The following MTTP variants were observed in gnomAD, a reference collection of about 807,000 sequenced individuals.
MTTP encodes microsomal triglyceride transfer protein large subunit.
A neutral mutation model predicts 90.6 loss-of-function variants in MTTP; 49 were observed. That is an observed-to-expected ratio of 0.54 (90% confidence interval 0.43 to 0.69). The LOEUF (loss-of-function observed/expected upper bound fraction) is 0.69, where lower values mean the gene tolerates loss of function less well. MTTP is among the 30% of genes least tolerant of loss of function. MTTP has a pLI of 0.00. For synonymous variants in MTTP, 347 were observed against 384.2 expected (o/e 0.90, Z 1.13); for missense variants, 945 against 1,067.5 (o/e 0.89, Z 1.60).
intron 8 of MTTP, among the ~76,000 whole-genome samples, chr4:99,599,706 T>C (rs965937495): frequency 1.3e-5 from 2 of 152,186 alleles, no homozygotes; most frequent in African/African-American, 2.4e-5. Flanking sequence ...AAATTTTTAG[T>C]ACAGTGCTTG....
intron 10 of MTTP, 22 bp from the exon 11 acceptor site, chr4:99,606,726 T>G (rs1578249955): frequency 1.3e-6 from 2 of 1,599,800 alleles, no homozygotes; most frequent in Non-Finnish European, 1.7e-6. Flanking sequence ...CATGCATATA[T>G]CTAAGGTATA....
At chr4:99,587,095 A>G (rs1725276143) in intron 3 of MTTP, among the ~76,000 whole-genome samples, 1 of 152,192 alleles carries the variant, frequency 6.6e-6, no homozygotes, top group South Asian at 2.1e-4. Flanking sequence ...GAAATAATAA[A>G]TTTAAGATTA....
chr4:99,576,564 G>T (rs957247106), intron 1 of MTTP, among the ~76,000 whole-genome samples: 1 of 150,032 alleles, frequency 6.7e-6, no homozygotes, highest in Non-Finnish European at 1.5e-5. Flanking sequence ...GCGTAGTGGC[G>T]GGCGCCTGTA....
rs17599091 is a variant in MTTP at position 99,591,762 on chromosome 4, C to G, written c.730C>G (p.Gln244Glu). 56,386 of 1,611,122 alleles carry G rather than the reference C, an allele frequency of 0.035. 1,157 individuals are homozygous for G. The highest frequency in any genetic ancestry group is 0.052 in the African/African-American group (3,919 of 74,938). The change falls in exon 6 of 18, where the codon CAA (glutamine) becomes GAA (glutamate). Residue 244 changes from glutamine (Q) to glutamate (E), a missense_variant. Transcript: ENST00000265517. ...ETHNFGLNFL[Q>E]TIKGKIVSKQ... ...ACACAATTTTGGACTGAATTTCCTA[C>G]AAACCATTAAGGGGAAAATAGTATC...
At position 99,603,665 on chromosome 4, in the gene MTTP, T is replaced by C. The variant is rs533136130; in HGVS notation, c.1344+1951T>C. Among the ~76,000 whole-genome samples the C allele has an allele frequency of 4.7e-4, 71 of 152,110 alleles. 1 individual carries two copies. The highest frequency in any genetic ancestry group is 1.7e-3 in the African/African-American group (71 of 41,524). On this transcript the variant is annotated intron_variant, in intron 10 of 17. Coordinates refer to ENST00000265517, the MANE Select transcript of MTTP (RefSeq NM_001386140.1). ...CTTAAGTAAGGTTTATACAGCCTGGTTGGGGGTGGGAGGAGAGTAGAGCTA... is the reference window on the plus strand; with the variant it reads ...CTTAAGTAAGGTTTATACAGCCTGGCTGGGGGTGGGAGGAGAGTAGAGCTA...
At chr4:99,565,777 AAGT>A (rs1297092229) in intron 1 of MTTP, among the ~76,000 whole-genome samples, 2 of 152,190 alleles carry the variant, frequency 1.3e-5, no homozygotes, top group African/African-American at 2.4e-5. Flanking sequence ...CTTGGAAAGT[AAGT>A]AGGAGTTGTA....
chr4:99,579,334 T>G (rs1725041242), intron 1 of MTTP, among the ~76,000 whole-genome samples: 1 of 152,160 alleles, frequency 6.6e-6, no homozygotes, highest in Admixed American at 6.5e-5. Context: ...CTTGTCTCCT[T>G]CACTGTGTCT....
intron 1 of MTTP, 66 bp from the exon 2 acceptor site, chr4:99,581,839 C>T (rs778394464): frequency 1.4e-5 from 21 of 1,508,628 alleles, no homozygotes; most frequent in Non-Finnish European, 2.8e-6. Flanking sequence ...TAGAGAGATG[C>T]ACTGATGGTG....
Position 99,612,936 on chromosome 4 carries a change from G to A in MTTP, c.2013G>A (p.Leu671=). ...AGGTGGTTATTGAAGCCCAAGGACT[G>A]GAAGCCTTAATCGCAGCCACCCCTG... ...GSQVVIEAQG[L]EALIAATPDE... Residue 671 remains leucine (L), a synonymous_variant, in exon 15 of 18, where the codon CTG becomes CTA. Coordinates refer to ENST00000265517, the MANE Select transcript of MTTP (RefSeq NM_001386140.1). The A allele has an allele frequency of 6.2e-7, 1 of 1,614,012 alleles. No individual in the cohort carries two copies. The highest frequency in any genetic ancestry group is 1.1e-5 in the South Asian group (1 of 91,062).
chr4:99,603,639 A>C lies in MTTP; in HGVS notation c.1344+1925A>C, dbSNP rs1442858116. On this transcript the variant is annotated intron_variant, in intron 10 of 17. Coordinates refer to ENST00000265517, the MANE Select transcript of MTTP (RefSeq NM_001386140.1). ...TACCAGGTGTATGGTGATGCCGACC[A>C]CTTAAGTAAGGTTTATACAGCCTGG... Among the ~76,000 whole-genome samples, 7 of 152,252 alleles carry C rather than the reference A, an allele frequency of 4.6e-5. No individual in the cohort carries two copies. The East Asian group carries it at 1.2e-3, about 25-fold the overall frequency.
At chr4:99,569,984 C>G (rs1406252110), upstream of MTTP, among the ~76,000 whole-genome samples, 1 of 151,688 alleles carries the variant, frequency 6.6e-6, no homozygotes, top group Non-Finnish European at 1.5e-5. Flanking sequence ...TCCAAATTTT[C>G]ACTATACCAC....
Position 99,623,674 on chromosome 4 carries a change from T to C in MTTP, c.*826T>C, listed in dbSNP as rs960548926. ...AGGGACATCCTCATTTTATCTCACC[T>C]TTTTGGGGGTGAGAGCTCTAGTTCA... On this transcript the variant is annotated 3_prime_UTR_variant, in exon 18 of 18. Coordinates refer to ENST00000265517, the MANE Select transcript of MTTP (RefSeq NM_001386140.1). 5 of 152,212 alleles carry C rather than the reference T, an allele frequency of 3.3e-5. No individual in the cohort carries two copies. The highest frequency in any genetic ancestry group is 7.3e-5 in the Non-Finnish European group (5 of 68,048). 9.4% of individuals were successfully genotyped at this position (152,212 alleles called of 1,614,324 possible). A position where few individuals can be genotyped will look rare whatever the true frequency, so the allele number is the denominator to read the frequency against.
chr4:99,604,349 CAT>C (rs958168653), intron 10 of MTTP, among the ~76,000 whole-genome samples: 2 of 152,116 alleles, frequency 1.3e-5, no homozygotes, highest in African/African-American at 2.4e-5. Context: ...TACTATGCCA[CAT>C]GTTTCTTTTT....
upstream of MTTP, among the ~76,000 whole-genome samples, chr4:99,572,208 CTA>C (rs1724855755): frequency 6.6e-6 from 1 of 151,872 alleles, no homozygotes; most frequent in Non-Finnish European, 1.5e-5. Flanking sequence ...CATGTACTAC[CTA>C]AGGAATTTCA....
At chr4:99,573,104 G>A (rs538689283), upstream of MTTP, among the ~76,000 whole-genome samples, 6 of 152,172 alleles carry the variant, frequency 3.9e-5, no homozygotes, top group East Asian at 1.9e-4. Context: ...TACTTTACCC[G>A]AAGGGCACGT....
chr4:99,584,558 C>CAAA (rs1267835439), intron 3 of MTTP, among the ~76,000 whole-genome samples: 2 of 150,156 alleles, frequency 1.3e-5, no homozygotes, highest in Admixed American at 1.3e-4. Flanking sequence ...TTCACCTCGC[C>CAAA]TACAACCAAA....
At chr4:99,604,212 C>T (rs1013911976) in intron 10 of MTTP, among the ~76,000 whole-genome samples, 1 of 152,042 alleles carries the variant, frequency 6.6e-6, no homozygotes, top group African/African-American at 2.4e-5. Flanking sequence ...CTACTGGGCA[C>T]ACTATATGCA....
chr4:99,575,081 AAAC>A (rs1353574050), intron 1 of MTTP, 111 bp downstream of exon 1: 1 of 1,243,844 alleles, frequency 8.0e-7, no homozygotes, highest in African/African-American at 1.5e-5. Context: ...GTTTCTGACT[AAAC>A]TATCTTCAAA....
chr4:99,583,559 A>G, intron 3 of MTTP, 42 bp downstream of exon 3: 1 of 1,611,018 alleles, frequency 6.2e-7, no homozygotes, highest in Non-Finnish European at 8.5e-7. Context: ...CTCCAACTTC[A>G]TATTTTTCTT....
Sources: gnomAD v4.1 joint callset for allele counts (sites outside exome capture counted in the v4.1 genomes callset) on GRCh38, gnomAD v4.1.1 for gene constraint, MANE v1.5 for transcripts, NCBI Gene and HGNC (gene_info 2026-07-23, HGNC 2026-07-21) for gene names.